The following EVI5 variants were observed in gnomAD, a reference collection of about 807,000 sequenced individuals.
EVI5 encodes the protein ecotropic viral integration site 5 protein homolog.
In EVI5, 73 loss-of-function variants were observed where a neutral mutation model predicts 112.0. The ratio of observed to expected loss-of-function variants is 0.65; its 90% CI spans 0.54 to 0.79. The LOEUF (loss-of-function observed/expected upper bound fraction) is 0.79, where lower values mean the gene tolerates loss of function less well. Ranked by LOEUF, EVI5 falls within the 30% of genes least tolerant of loss-of-function variation. The pLI, the probability that EVI5 is intolerant of heterozygous loss-of-function variation, is 0.00. For missense variants in EVI5, 900 were observed against 968.8 expected, an observed-to-expected ratio of 0.93 and a Z score of 0.94; for synonymous variants, 305 against 319.9, an observed-to-expected ratio of 0.95 and a Z score of 0.50.
intron 19 of EVI5, among the ~76,000 whole-genome samples, chr1:92,538,013 A>G (rs989653): frequency 0.85 from 129,536 of 152,058 alleles, 55,555 homozygotes; most frequent in East Asian, 0.97. Flanking sequence ...GTAGAAAGGA[A>G]AGGAAAGTTT....
chr1:92,757,240 C>A (rs6666831), intron 1 of EVI5, among the ~76,000 whole-genome samples: 92,847 of 152,068 alleles, frequency 0.61, 29,214 homozygotes, highest in East Asian at 0.92. Context: ...CAAAAATATT[C>A]AATACAACAG....
chr1:92,653,213 C>T (rs925790314), intron 13 of EVI5, among the ~76,000 whole-genome samples: 4 of 152,224 alleles, frequency 2.6e-5, no homozygotes, highest in African/African-American at 9.6e-5. Context: ...ACCAGAGCCC[C>T]ATAGACATTC....
intron 19 of EVI5, among the ~76,000 whole-genome samples, chr1:92,523,093 G>T (rs937061794): frequency 6.6e-6 from 1 of 151,756 alleles, no homozygotes; most frequent in Non-Finnish European, 1.5e-5. Context: ...CAAGGTCTAT[G>T]CTCCCTAGGC....
chr1:92,733,402 T>G (rs1262959643), intron 2 of EVI5: 1 of 106,196 alleles, frequency 9.4e-6, no homozygotes, highest in African/African-American at 3.6e-5. Context: ...TTTTACATTA[T>G]CATCTTTTTT....
chr1:92,510,474 A>G lies in EVI5; in HGVS notation c.*3182T>C, dbSNP rs979993282. 1 of 152,262 alleles carries G rather than the reference A, an allele frequency of 6.6e-6. No individual in the cohort carries two copies. The highest frequency in any genetic ancestry group is 2.4e-5 in the African/African-American group (1 of 41,476). The allele number at this position is 152,262 out of a possible 1,614,324, so 9.4% of individuals were successfully genotyped here. On this transcript the variant is annotated 3_prime_UTR_variant, in exon 20 of 20. Coordinates refer to ENST00000684568, the MANE Select transcript of EVI5 (RefSeq NM_001350197.2). Reference sequence around the variant, plus strand: ...AATAGTTCTGATTATAATATCCACCATGAAATTTTACGTTTCCAAATCATA... The same window carrying G: ...AATAGTTCTGATTATAATATCCACCGTGAAATTTTACGTTTCCAAATCATA...
At chr1:92,621,370 G>A (rs967012007) in intron 16 of EVI5, among the ~76,000 whole-genome samples, 3 of 152,164 alleles carry the variant, frequency 2.0e-5, no homozygotes, top group Non-Finnish European at 2.9e-5. Flanking sequence ...GTGCAGTGGC[G>A]TGATCTTGGC....
At chr1:92,635,465 G>A (rs1396251768) in intron 14 of EVI5, among the ~76,000 whole-genome samples, 2 of 152,196 alleles carry the variant, frequency 1.3e-5, no homozygotes, top group African/African-American at 2.4e-5. Flanking sequence ...TGTGAGCGTA[G>A]GACCCTCCGA....
chr1:92,646,583 G>A (rs959334760), intron 13 of EVI5, among the ~76,000 whole-genome samples: 1 of 152,190 alleles, frequency 6.6e-6, no homozygotes, highest in East Asian at 1.9e-4. Context: ...CAGGCTCAGC[G>A]CCAAGAAACG....
intron 19 of EVI5, among the ~76,000 whole-genome samples, chr1:92,528,765 C>T (rs1214173946): frequency 6.6e-6 from 1 of 152,002 alleles, no homozygotes; most frequent in African/African-American, 2.4e-5. Context: ...TGTTAGAAGT[C>T]AGGAAAATGA....
At chr1:92,787,522 A>G (rs928000782), upstream of EVI5, among the ~76,000 whole-genome samples, 5 of 152,294 alleles carry the variant, frequency 3.3e-5, no homozygotes, top group African/African-American at 1.2e-4. Context: ...ATTTAAGATC[A>G]GGAGTTTAAG....
chr1:92,750,245 T>C (rs183211996), intron 1 of EVI5, among the ~76,000 whole-genome samples: 325 of 152,010 alleles, frequency 2.1e-3, no homozygotes, highest in African/African-American at 7.5e-3. Flanking sequence ...GGATAGAGAA[T>C]TAAACAGACA....
At chr1:92,681,789 C>CT (rs1667632956) in intron 9 of EVI5, among the ~76,000 whole-genome samples, 2 of 152,152 alleles carry the variant, frequency 1.3e-5, no homozygotes, top group Admixed American at 6.5e-5. Context: ...ATGTGAGTGA[C>CT]TAATTAGCAC....
At chr1:92,677,527 C>A (rs1267271668) in intron 9 of EVI5, among the ~76,000 whole-genome samples, 1 of 152,160 alleles carries the variant, frequency 6.6e-6, no homozygotes, top group Admixed American at 6.5e-5. Flanking sequence ...AACCATTATT[C>A]TTATTTCTCA....
intron 10 of EVI5, among the ~76,000 whole-genome samples, chr1:92,667,112 C>T (rs1665059805): frequency 6.6e-6 from 1 of 152,134 alleles, no homozygotes; most frequent in African/African-American, 2.4e-5. Context: ...TGGCAAAACC[C>T]TGTCTCTACA....
At chr1:92,704,765 G>A (rs1168117144) in intron 2 of EVI5, 21 bp from the exon 3 acceptor site, 1 of 1,269,586 alleles carries the variant, frequency 7.9e-7, no homozygotes, top group African/African-American at 1.5e-5. Context: ...ATTAAAAACT[G>A]TTCAAGATCT....
intron 1 of EVI5, chr1:92,784,504 G>C: frequency 2.3e-6 from 2 of 853,320 alleles, no homozygotes; most frequent in Non-Finnish European, 2.8e-6. Context: ...TGGGGTGCAG[G>C]GTCAGTGTCC....
intron 18 of EVI5, among the ~76,000 whole-genome samples, chr1:92,591,860 T>G (rs1420241027): frequency 6.6e-6 from 1 of 152,226 alleles, no homozygotes; most frequent in Non-Finnish European, 1.5e-5. Context: ...TAGTTGGAAG[T>G]AAAGCACTCC....
At chr1:92,626,362 TC>T (rs1655660169) in intron 14 of EVI5, among the ~76,000 whole-genome samples, 1 of 152,186 alleles carries the variant, frequency 6.6e-6, no homozygotes, top group Admixed American at 6.5e-5. Context: ...CAAGGTTCAA[TC>T]TTTTTTTTAT....
rs1314232194 is a variant in EVI5 at position 92,736,557 on chromosome 1, G to A, written c.-11C>T. On this transcript the variant is annotated 5_prime_UTR_variant, in exon 2 of 20. Coordinates refer to ENST00000684568, the MANE Select transcript of EVI5 (RefSeq NM_001350197.2). ...CACCTGACTGGCCATCTGACTGACTGTATGCGATACTGTGTTCTTCACCCA... is the reference window on the plus strand; with the variant it reads ...CACCTGACTGGCCATCTGACTGACTATATGCGATACTGTGTTCTTCACCCA... 14 of 1,613,916 alleles carry A rather than the reference G, an allele frequency of 8.7e-6. 1 individual carries two copies. In the South Asian group the frequency reaches 9.9e-5, roughly 11 times the overall value.
Sources: gnomAD v4.1 joint callset for allele counts (sites outside exome capture counted in the v4.1 genomes callset) on GRCh38, gnomAD v4.1.1 for gene constraint, MANE v1.5 for transcripts, NCBI Gene and HGNC (gene_info 2026-07-23, HGNC 2026-07-21) for gene names.